ANK1: variants seen among roughly 807,000 people sequenced by gnomAD.
ANK1 encodes ankyrin 1.
In ANK1, 51 loss-of-function variants were observed where a neutral mutation model predicts 210.4. The ratio of observed to expected loss-of-function variants is 0.24; its 90% CI spans 0.19 to 0.31. ANK1 has a LOEUF of 0.31. ANK1 is among the 10% of genes least tolerant of loss of function. ANK1 has a pLI of 1.00. For missense variants in ANK1, 2,051 were observed against 2,504.4 expected (o/e 0.82, Z 3.86); for synonymous variants, 967 against 1,025.9 (o/e 0.94, Z 1.10).
At position 41,843,786 on chromosome 8, in the gene ANK1, G is replaced by A. The variant is rs538170721; in HGVS notation, c.126+52569C>T. On this transcript the variant is annotated intron_variant, in intron 1 of 42. Coordinates refer to the ANK1 transcript ENST00000265709. ...AGCAGCTTATACATGTACGGATCTT[G>A]TTAACTCAAGATACGTATGATGCAG... 6.6e-5 allele frequency among the ~76,000 whole-genome samples: 10 copies of A among 152,310 alleles called. No homozygotes were observed. In the South Asian group the frequency reaches 2.1e-3, roughly 32 times the overall value.
chr8:41,809,076 C>T (rs924454909), intron 1 of ANK1, among the ~76,000 whole-genome samples: 1 of 152,248 alleles, frequency 6.6e-6, no homozygotes, highest in African/African-American at 2.4e-5. Context: ...GGTGACCACA[C>T]AAATGTGGTT....
rs2150616583 is a variant in ANK1 at position 41,706,259 on chromosome 8, T to C, written c.1999-18A>G. The C allele has an allele frequency of 6.2e-7, 1 of 1,605,782 alleles. No homozygotes were observed. Among genetic ancestry groups the C allele is most frequent in the Non-Finnish European group, 8.5e-7 (1 of 1,173,622 alleles). On this transcript the variant is annotated intron_variant, in intron 17 of 42. Coordinates refer to ENST00000289734, the MANE Select transcript of ANK1 (RefSeq NM_000037.4). ...AGTCCGCTCTGCAAAGAAAAAGACG[T>C]TCATCACCTTCTATCAAGTAAAGAA...
intron 1 of ANK1, among the ~76,000 whole-genome samples, chr8:41,854,144 C>A (rs141888596): frequency 6.6e-6 from 1 of 152,212 alleles, no homozygotes; most frequent in Admixed American, 6.5e-5. Flanking sequence ...CTTCCTGCAG[C>A]GGGTCGCTGC....
At chr8:41,784,029 G>A (rs192220102) in intron 1 of ANK1, among the ~76,000 whole-genome samples, 252 of 148,666 alleles carry the variant, frequency 1.7e-3, no homozygotes, top group Non-Finnish European at 1.9e-3. Context: ...AGCCTAGGCA[G>A]ACTTGGTGGC....
intron 38 of ANK1, among the ~76,000 whole-genome samples, chr8:41,670,194 C>G (rs1811829177): frequency 6.6e-6 from 1 of 152,050 alleles, no homozygotes; most frequent in East Asian, 1.9e-4. Flanking sequence ...CTGCTAGAAC[C>G]ACGCTTCTTG....
intron 1 of ANK1, among the ~76,000 whole-genome samples, chr8:41,894,846 G>A (rs1039936922): frequency 1.3e-5 from 2 of 151,996 alleles, no homozygotes; most frequent in Non-Finnish European, 2.9e-5. Context: ...AGGGACCTGC[G>A]GAGATTCTCT....
intron 37 of ANK1, among the ~76,000 whole-genome samples, chr8:41,678,422 A>C (rs1037234828): frequency 1.3e-5 from 2 of 152,210 alleles, no homozygotes; most frequent in East Asian, 3.8e-4. Context: ...GGTTACAGAC[A>C]TAAGCCACTG....
At chr8:41,830,789 T>C (rs1475079859) in intron 1 of ANK1, among the ~76,000 whole-genome samples, 1 of 152,136 alleles carries the variant, frequency 6.6e-6, no homozygotes, top group African/African-American at 2.4e-5. Flanking sequence ...GAAGAATAAT[T>C]TGGTAGATGA....
At chr8:41,783,458 A>C (rs181196734) in intron 1 of ANK1, among the ~76,000 whole-genome samples, 105 of 152,100 alleles carry the variant, frequency 6.9e-4, no homozygotes, top group Middle Eastern at 3.4e-3. Context: ...ACAATTCGGG[A>C]CTTTTTTTCA....
chr8:41,788,192 C>T (rs4026), intron 1 of ANK1, among the ~76,000 whole-genome samples: 118,769 of 152,204 alleles, frequency 0.78, 47,332 homozygotes, highest in African/African-American at 0.88. Flanking sequence ...AGATTCAAGA[C>T]GATGTCGCCT....
intron 39 of ANK1, chr8:41,665,264 C>G: frequency 1.3e-6 from 2 of 1,503,402 alleles, no homozygotes; most frequent in East Asian, 2.6e-5. Context: ...CAGCCAGGCT[C>G]TGCCCTGAGT....
chr8:41,881,516 G>C (rs1354864197), intron 1 of ANK1, among the ~76,000 whole-genome samples: 3 of 152,228 alleles, frequency 2.0e-5, no homozygotes, highest in Admixed American at 6.5e-5. Flanking sequence ...ACAAGGTGGG[G>C]ATGCTATTTT....
intron 38 of ANK1, among the ~76,000 whole-genome samples, chr8:41,669,822 C>A (rs1811713638): frequency 6.6e-6 from 1 of 152,238 alleles, no homozygotes; most frequent in Non-Finnish European, 1.5e-5. Flanking sequence ...GTTGCGCCAG[C>A]CTCCTCTCAA....
At chr8:41,825,472 T>C (rs938763750) in intron 1 of ANK1, among the ~76,000 whole-genome samples, 3 of 152,206 alleles carry the variant, frequency 2.0e-5, no homozygotes, top group African/African-American at 7.2e-5. Context: ...GAAGTCGTTT[T>C]GGCCACCAAC....
chr8:41,824,841 G>A (rs1048530568), intron 1 of ANK1, among the ~76,000 whole-genome samples: 20 of 152,210 alleles, frequency 1.3e-4, no homozygotes, highest in Middle Eastern at 3.2e-3. Context: ...CTCACAGAGC[G>A]TGAAGGCAGG....
At chr8:41,664,320 T>A (rs933393696) in intron 39 of ANK1, 60 of 368,756 alleles carry the variant, frequency 1.6e-4, no homozygotes, top group Non-Finnish European at 2.6e-4. Context: ...AAAATTTTTT[T>A]AAAATAGCCA....
chr8:41,893,951 C>CT (rs1379609399), intron 1 of ANK1, among the ~76,000 whole-genome samples: 2 of 152,180 alleles, frequency 1.3e-5, no homozygotes, highest in Admixed American at 1.3e-4. Flanking sequence ...CACCAGGCCC[C>CT]TTGTAAGCTT....
At chr8:41,745,003 C>A (rs1329460738) in intron 2 of ANK1, among the ~76,000 whole-genome samples, 2 of 152,058 alleles carry the variant, frequency 1.3e-5, no homozygotes, top group Non-Finnish European at 1.5e-5. Flanking sequence ...GACATGACAA[C>A]TAAATGCAAA....
intron 24 of ANK1, chr8:41,697,708 T>C: frequency 2.5e-6 from 1 of 403,016 alleles, no homozygotes; most frequent in Non-Finnish European, 4.7e-6. Context: ...AGTAAACATC[T>C]GCTGGCTGGA....
Sources: allele counts gnomAD v4.1 joint callset (sites outside exome capture counted in the v4.1 genomes callset), GRCh38; gene constraint gnomAD v4.1.1; transcripts MANE v1.5; gene names NCBI Gene and HGNC (gene_info 2026-07-23, HGNC 2026-07-21).